Variants in TRPM3 observed in about 807,000 individuals in gnomAD.
TRPM3 encodes long transient receptor potential channel 3.
Under a neutral mutation model 181.2 loss-of-function variants are expected in TRPM3, and 77 were observed. The ratio of observed to expected loss-of-function variants is 0.42; its 90% CI spans 0.35 to 0.51. The LOEUF is 0.51. Ranked by LOEUF, TRPM3 falls within the 20% of genes least tolerant of loss-of-function variation. TRPM3 has a pLI of 0.01. For synonymous variants in TRPM3, 745 were observed against 796.4 expected, an observed-to-expected ratio of 0.94 and a Z score of 1.09; for missense variants, 1,759 against 2,196.7, an observed-to-expected ratio of 0.80 and a Z score of 3.98.
At chr9:70,584,644 C>A (rs571795118) in intron 22 of TRPM3, among the ~76,000 whole-genome samples, 1 of 152,232 alleles carries the variant, frequency 6.6e-6, no homozygotes, top group East Asian at 1.9e-4. Flanking sequence ...ACCACAACAT[C>A]GTATAATCAC....
At chr9:70,623,031 C>T (rs899016383) in intron 14 of TRPM3, among the ~76,000 whole-genome samples, 2 of 152,038 alleles carry the variant, frequency 1.3e-5, no homozygotes, top group African/African-American at 2.4e-5. Flanking sequence ...ACTAGTTCCA[C>T]AAAATGCTTT....
intron 1 of TRPM3, among the ~76,000 whole-genome samples, chr9:71,000,775 A>C (rs1328599319): frequency 6.6e-6 from 1 of 152,192 alleles, no homozygotes; most frequent in Non-Finnish European, 1.5e-5. Flanking sequence ...TGACACTGAA[A>C]AGTGAGGTGG....
chr9:71,089,269 A>G (rs1405955327), intron 1 of TRPM3, among the ~76,000 whole-genome samples: 1 of 150,318 alleles, frequency 6.7e-6, no homozygotes, highest in Non-Finnish European at 1.5e-5. Context: ...TCTCTATATC[A>G]CTATAAAATA....
At chr9:71,366,984 G>A (rs538403339) in intron 1 of TRPM3, among the ~76,000 whole-genome samples, 42 of 152,246 alleles carry the variant, frequency 2.8e-4, no homozygotes, top group Non-Finnish European at 5.9e-5. Context: ...GGCAGATAGA[G>A]GCATTAACTT....
chr9:71,158,780 T>C (rs2076130416), intron 1 of TRPM3, among the ~76,000 whole-genome samples: 2 of 152,276 alleles, frequency 1.3e-5, no homozygotes, highest in South Asian at 4.1e-4. Flanking sequence ...TTTGAATTTG[T>C]GGACTGAGCA....
intron 1 of TRPM3, among the ~76,000 whole-genome samples, chr9:70,891,805 T>C (rs534139574): frequency 2.0e-5 from 3 of 152,278 alleles, no homozygotes; most frequent in Admixed American, 6.5e-5. Flanking sequence ...TAAATTGTCA[T>C]TTTTGTCCCC....
intron 1 of TRPM3, among the ~76,000 whole-genome samples, chr9:71,258,296 T>C (rs1190794253): frequency 6.6e-6 from 1 of 152,174 alleles, no homozygotes; most frequent in African/African-American, 2.4e-5. Context: ...TTGGAAAGGC[T>C]GGGACTTGAA....
At chr9:71,343,740 T>C (rs533248499) in intron 1 of TRPM3, among the ~76,000 whole-genome samples, 2 of 152,234 alleles carry the variant, frequency 1.3e-5, no homozygotes, top group African/African-American at 2.4e-5. Context: ...GTTTCTAACA[T>C]AGAATTTCCC....
chr9:71,199,658 C>T (rs1215835062), intron 1 of TRPM3, among the ~76,000 whole-genome samples: 4 of 152,006 alleles, frequency 2.6e-5, no homozygotes, highest in African/African-American at 4.8e-5. Context: ...AGTTTATTTG[C>T]GTAGAGGTGT....
intron 5 of TRPM3, among the ~76,000 whole-genome samples, chr9:70,829,200 T>C (rs1422911953): frequency 6.6e-6 from 1 of 152,182 alleles, no homozygotes; most frequent in Non-Finnish European, 1.5e-5. Flanking sequence ...TTTTTCAGTA[T>C]GTAATAACAC....
chr9:71,304,541 CCTTTA>C (rs1444807589), intron 1 of TRPM3, among the ~76,000 whole-genome samples: 1 of 152,148 alleles, frequency 6.6e-6, no homozygotes, highest in Admixed American at 6.5e-5. Flanking sequence ...TAAGGGTAAT[CCTTTA>C]CTTAAGTCAA....
chr9:70,961,300 G>GC (rs11381931), intron 1 of TRPM3, among the ~76,000 whole-genome samples: 120,475 of 152,070 alleles, frequency 0.79, 48,001 homozygotes, highest in African/African-American at 0.86. Flanking sequence ...ATACAGCTCT[G>GC]CAACACCTTG....
intron 1 of TRPM3, among the ~76,000 whole-genome samples, chr9:70,936,233 G>C (rs1242724579): frequency 1.3e-5 from 2 of 152,160 alleles, no homozygotes; most frequent in Non-Finnish European, 2.9e-5. Context: ...AAATCTACCA[G>C]TCTTAAAATA....
Position 70,535,819 on chromosome 9 carries a change from C to T in TRPM3, c.*134G>A. 1 of 1,501,546 alleles carries T rather than the reference C, an allele frequency of 6.7e-7. No individual in the cohort carries two copies. The highest frequency in any genetic ancestry group is 8.8e-7 in the Non-Finnish European group (1 of 1,133,258). The allele number at this position is 1,501,546 out of a possible 1,614,324, so 93.0% of individuals were successfully genotyped here. ...GGCCCAGAAGTCACCTTTGAGTTAA[C>T]ACCTCCCAAAGCATTGCTTGTTTTG... On this transcript the variant is annotated 3_prime_UTR_variant, in exon 26 of 26. Transcript: ENST00000677713.
chr9:71,096,680 T>C (rs931711476), intron 1 of TRPM3, among the ~76,000 whole-genome samples: 4 of 150,710 alleles, frequency 2.7e-5, no homozygotes, highest in African/African-American at 7.4e-5. Flanking sequence ...GAACCTAGCA[T>C]GGCACTGGCA....
chr9:70,854,559 T>C (rs1791390192), intron 3 of TRPM3, among the ~76,000 whole-genome samples: 1 of 152,196 alleles, frequency 6.6e-6, no homozygotes, highest in Admixed American at 6.5e-5. Flanking sequence ...TAACTTTTTC[T>C]TTTTCACCTT....
chr9:70,848,578 G>A (rs2095081205), intron 3 of TRPM3, among the ~76,000 whole-genome samples: 1 of 152,118 alleles, frequency 6.6e-6, no homozygotes, highest in African/African-American at 2.4e-5. Flanking sequence ...CCTCAGAAGT[G>A]GCTGGAAATA....
At chr9:71,134,010 TGTGTGC>T (rs1357728027) in intron 1 of TRPM3, among the ~76,000 whole-genome samples, 4 of 87,894 alleles carry the variant, frequency 4.6e-5, no homozygotes, top group African/African-American at 1.1e-4. Flanking sequence ...TGTGTGTGTG[TGTGTGC>T]GCGTGCGCGC....
chr9:70,737,741 A>G (rs2073054290), intron 8 of TRPM3, among the ~76,000 whole-genome samples: 1 of 151,812 alleles, frequency 6.6e-6, no homozygotes, highest in South Asian at 2.1e-4. Flanking sequence ...CAGACAAAAC[A>G]AACTTTAAAG....
Sources: gnomAD v4.1 joint callset for allele counts (sites outside exome capture counted in the v4.1 genomes callset) on GRCh38, gnomAD v4.1.1 for gene constraint, MANE v1.5 for transcripts, NCBI Gene and HGNC (gene_info 2026-07-23, HGNC 2026-07-21) for gene names.